Variants in TRHDE observed in about 807,000 individuals in gnomAD.
TRHDE encodes thyrotropin-releasing hormone-degrading ectoenzyme.
A neutral mutation model predicts 125.7 loss-of-function variants in TRHDE; 72 were observed. That is an observed-to-expected ratio of 0.57 (90% confidence interval 0.47 to 0.70). The LOEUF is 0.70. TRHDE is among the 30% of genes least tolerant of loss of function. TRHDE has a pLI of 0.00. For synonymous variants in TRHDE, 509 were observed against 509.1 expected (o/e 1.00, Z 0.00); for missense variants, 1,110 against 1,327.1 (o/e 0.84, Z 2.54).
rs534538859 is a variant in TRHDE at position 72,400,811 on chromosome 12, T to G, written c.1315+22690T>G. ...CCAAAACACTTTGCGTGTTGAATAA[T>G]GTTCTCTTGTGTCTTCTTACCTAGA... On this transcript the variant is annotated intron_variant, in intron 3 of 18. Coordinates refer to ENST00000261180, the MANE Select transcript of TRHDE (RefSeq NM_013381.3). Among the ~76,000 whole-genome samples, 7 of 152,158 alleles carry G rather than the reference T, an allele frequency of 4.6e-5. 1 individual carries two copies. The highest frequency in any genetic ancestry group is 4.6e-4 in the Admixed American group (7 of 15,270).
intron 2 of TRHDE, among the ~76,000 whole-genome samples, chr12:72,267,287 T>C (rs1487481999): frequency 2.0e-5 from 3 of 152,006 alleles, no homozygotes; most frequent in Non-Finnish European, 4.4e-5. Flanking sequence ...GAGCCTAGAG[T>C]GAACGCTAAA....
chr12:72,399,374 A>G (rs181374024), intron 3 of TRHDE, among the ~76,000 whole-genome samples: 1 of 152,154 alleles, frequency 6.6e-6, no homozygotes, highest in Non-Finnish European at 1.5e-5. Context: ...GGAAAGTACT[A>G]ACCATTTTAT....
intron 3 of TRHDE, among the ~76,000 whole-genome samples, chr12:72,455,322 A>C (rs759127600): frequency 3.9e-5 from 6 of 152,316 alleles, no homozygotes; most frequent in Non-Finnish European, 7.4e-5. Flanking sequence ...ATATAATGAT[A>C]ACAACCAACT....
At chr12:72,616,620 G>C (rs939364253) in intron 12 of TRHDE, among the ~76,000 whole-genome samples, 2 of 151,986 alleles carry the variant, frequency 1.3e-5, no homozygotes, top group South Asian at 4.1e-4. Flanking sequence ...TCCAATTTTA[G>C]AGATGAAATA....
At chr12:72,097,176 C>T (rs527810942) in intron 1 of TRHDE, among the ~76,000 whole-genome samples, 41 of 152,318 alleles carry the variant, frequency 2.7e-4, no homozygotes, top group Non-Finnish European at 4.3e-4. Flanking sequence ...GTGTATACTA[C>T]ATCATCCTTG....
At chr12:72,325,456 C>T (rs1687998517) in intron 2 of TRHDE, among the ~76,000 whole-genome samples, 2 of 151,970 alleles carry the variant, frequency 1.3e-5, no homozygotes, top group Admixed American at 1.3e-4. Context: ...AGCAAGACTT[C>T]AATGGCAATT....
intron 2 of TRHDE, among the ~76,000 whole-genome samples, chr12:72,360,977 C>T (rs1871047072): frequency 6.6e-6 from 1 of 151,092 alleles, no homozygotes; most frequent in Non-Finnish European, 1.5e-5. Context: ...CTGATGCTCT[C>T]CCTCCCCCTA....
intron 1 of TRHDE, among the ~76,000 whole-genome samples, chr12:72,089,376 T>C (rs1874740420): frequency 6.6e-6 from 1 of 152,200 alleles, no homozygotes; most frequent in South Asian, 2.1e-4. Flanking sequence ...CTCAGAAAAG[T>C]AAAGTCCTTT....
chr12:72,202,793 G>A (rs906879349), intron 2 of TRHDE, among the ~76,000 whole-genome samples: 1 of 151,960 alleles, frequency 6.6e-6, no homozygotes, highest in South Asian at 2.1e-4. Context: ...TGTCCATTAG[G>A]TTAGACATTT....
intron 2 of TRHDE, among the ~76,000 whole-genome samples, chr12:72,199,715 T>C (rs7298967): frequency 0.038 from 5,816 of 152,290 alleles, 200 homozygotes; most frequent in African/African-American, 0.092. Context: ...TGAGATAGGC[T>C]TTCAAGAGGC....
intron 12 of TRHDE, among the ~76,000 whole-genome samples, 184 bp downstream of exon 12, chr12:72,575,726 A>G (rs1013866792): frequency 6.6e-6 from 1 of 152,130 alleles, no homozygotes; most frequent in Non-Finnish European, 1.5e-5. Flanking sequence ...TAATAGCTAT[A>G]GGGTATTTCT....
At chr12:72,229,440 A>G (rs1878204374) in intron 2 of TRHDE, among the ~76,000 whole-genome samples, 1 of 152,174 alleles carries the variant, frequency 6.6e-6, no homozygotes, top group African/African-American at 2.4e-5. Flanking sequence ...CCCACTCATG[A>G]TGTGGGAATT....
chr12:72,278,956 C>A (rs757034730), intron 1 of TRHDE, among the ~76,000 whole-genome samples: 16 of 152,076 alleles, frequency 1.1e-4, no homozygotes, highest in Non-Finnish European at 1.9e-4. Flanking sequence ...GATGCAATCC[C>A]GTTTGTCTAT....
In TRHDE at chr12:72,339,360, G is replaced by A. The variant is rs1261522741; in HGVS notation, c.1189-38635G>A. On this transcript the variant is annotated intron_variant, in intron 2 of 18. Coordinates refer to ENST00000261180, the MANE Select transcript of TRHDE (RefSeq NM_013381.3). ...ATCCACTGTTATCTCAACGAATGAA[G>A]TATTATTTCTTATCTTCAAGACTAT... Among the ~76,000 whole-genome samples, 4 of 152,196 alleles carry A rather than the reference G, an allele frequency of 2.6e-5. No individual in the cohort carries two copies. In the East Asian group the frequency reaches 7.7e-4, roughly 29 times the overall value.
At chr12:72,512,523 A>C (rs902537478) in intron 6 of TRHDE, among the ~76,000 whole-genome samples, 7 of 138,456 alleles carry the variant, frequency 5.1e-5, no homozygotes, top group Non-Finnish European at 9.2e-5. Flanking sequence ...TATTATATAT[A>C]ATATATATGA....
intron 2 of TRHDE, among the ~76,000 whole-genome samples, chr12:72,118,932 CTCTTTTT>C (rs1275423231): frequency 6.6e-6 from 1 of 151,890 alleles, no homozygotes; most frequent in African/African-American, 2.4e-5. Flanking sequence ...TGGGTCTTTT[CTCTTTTT>C]TCTTAGTCTG....
rs1875637825 is a variant in TRHDE, at chr12:72,123,393, G to A, written n.279+17641G>A. ...TATTAAAAATAATACATTTTCATTAGAGAAATTTGAAAAACTCAGAGAAGT... is the reference window on the plus strand; with the variant it reads ...TATTAAAAATAATACATTTTCATTAAAGAAATTTGAAAAACTCAGAGAAGT... On this transcript the variant is annotated intron_variant and non_coding_transcript_variant, in intron 2 of 4. Coordinates refer to the TRHDE transcript ENST00000548156. Among the ~76,000 whole-genome samples, 5 of 152,076 alleles carry A rather than the reference G, an allele frequency of 3.3e-5. No individual in the cohort carries two copies. The South Asian group carries it at 8.3e-4, about 25-fold the overall frequency.
intron 2 of TRHDE, among the ~76,000 whole-genome samples, chr12:72,120,178 G>A (rs1456240251): frequency 6.6e-6 from 1 of 151,878 alleles, no homozygotes. Flanking sequence ...AGCCTCCTGA[G>A]TAGCTGGGAT....
intron 2 of TRHDE, among the ~76,000 whole-genome samples, chr12:72,187,308 ACAACACACACACACACACACACAC>A (rs1456930094): frequency 7.5e-6 from 1 of 132,688 alleles, no homozygotes; most frequent in African/African-American, 3.0e-5. Flanking sequence ...TCAGAGAAAC[ACAACACACACACACACACACACAC>A]ACACACACAC....
Sources: allele counts gnomAD v4.1 joint callset (sites outside exome capture counted in the v4.1 genomes callset), GRCh38; gene constraint gnomAD v4.1.1; transcripts MANE v1.5; gene names NCBI Gene and HGNC (gene_info 2026-07-23, HGNC 2026-07-21).